The following PCDH17 variants were observed in gnomAD, a reference collection of about 807,000 sequenced individuals.
PCDH17 encodes the protein protocadherin-17.
In PCDH17, 21 loss-of-function variants were observed where a neutral mutation model predicts 67.7. That is an observed-to-expected ratio of 0.31 (90% CI 0.22 to 0.45). PCDH17 has a LOEUF of 0.45. PCDH17 is among the 20% of genes least tolerant of loss of function. The pLI is 1.00. For missense variants in PCDH17, 1,471 were observed against 1,564.8 expected (o/e 0.94, Z 1.01); for synonymous variants, 701 against 656.7 (o/e 1.07, Z -1.03).
At chr13:57,650,390 T>C (rs1189590574) in intron 1 of PCDH17, among the ~76,000 whole-genome samples, 3 of 152,030 alleles carry the variant, frequency 2.0e-5, no homozygotes, top group Non-Finnish European at 4.4e-5. Context: ...TGAACTGGAA[T>C]CTGTAGTGAC....
At position 57,633,734 on chromosome 13, in the gene PCDH17, G is replaced by C. The variant is rs1453818571; in HGVS notation, c.1188G>C (p.Gly396=). The part of the protein sequence containing the change: ...QLQCRVLGGG[G]TGGGGGLGGP... ...AGTGTCGGGTCCTAGGCGGAGGAGG[G>C]ACGGGCGGCGGCGGGGGCCTGGGCG... Residue 396 remains glycine (G), a synonymous_variant, in exon 1 of 4, where the codon GGG becomes GGC. Coordinates refer to ENST00000377918, the MANE Select transcript of PCDH17 (RefSeq NM_001040429.3). This position sits in a 1 kb window ranked among gnomAD's most constrained non-coding sequence, Gnocchi z 6.2. 1 of 1,595,208 alleles carries C rather than the reference G, an allele frequency of 6.3e-7. No individual in the cohort carries two copies. Among genetic ancestry groups the C allele is most frequent in the Non-Finnish European group, 8.5e-7 (1 of 1,176,072 alleles).
At chr13:57,639,750 A>T (rs570193927) in intron 1 of PCDH17, among the ~76,000 whole-genome samples, 1 of 152,046 alleles carries the variant, frequency 6.6e-6, no homozygotes, top group African/African-American at 2.4e-5. Flanking sequence ...ATGCCAAAAA[A>T]TTTGGAATTT....
At chr13:57,686,308 C>T (rs974163144) in intron 3 of PCDH17, among the ~76,000 whole-genome samples, 5 of 151,764 alleles carry the variant, frequency 3.3e-5, no homozygotes, top group African/African-American at 7.3e-5. Context: ...CTAACGTTAG[C>T]AGAAAAGGAC....
At chr13:57,646,922 T>G (rs75117528) in intron 1 of PCDH17, among the ~76,000 whole-genome samples, 4,598 of 151,920 alleles carry the variant, frequency 0.03, 100 homozygotes, top group Non-Finnish European at 0.047. Flanking sequence ...CAGGGGGATG[T>G]CAAAATAAGT....
At chr13:57,642,855 G>A (rs1954921635) in intron 1 of PCDH17, among the ~76,000 whole-genome samples, 1 of 151,444 alleles carries the variant, frequency 6.6e-6, no homozygotes, top group African/African-American at 2.4e-5. Flanking sequence ...CTTTCTTATT[G>A]TTATAATACA....
chr13:57,688,553 A>G (rs1045187614), intron 3 of PCDH17, among the ~76,000 whole-genome samples: 2 of 152,060 alleles, frequency 1.3e-5, no homozygotes, highest in Non-Finnish European at 2.9e-5. Context: ...GTGTGTGCAC[A>G]TGTTTGTTTT....
intron 1 of PCDH17, among the ~76,000 whole-genome samples, chr13:57,658,769 T>C (rs970868797): frequency 1.3e-4 from 20 of 151,332 alleles, no homozygotes; most frequent in African/African-American, 3.9e-4. Context: ...CGTTTGTTTG[T>C]TTTGTTTTGT....
chr13:57,691,843 T>C (rs373256551), intron 3 of PCDH17, among the ~76,000 whole-genome samples: 223 of 151,350 alleles, frequency 1.5e-3, no homozygotes, highest in African/African-American at 5.2e-3. Flanking sequence ...CTTTGCCTAA[T>C]TAATAAACAC....
intron 2 of PCDH17, 46 bp downstream of exon 2, chr13:57,666,572 G>C (rs370409934): frequency 2.5e-6 from 4 of 1,606,640 alleles, no homozygotes; most frequent in Non-Finnish European, 3.4e-6. Flanking sequence ...ATTTGCATTC[G>C]TGTCAAAATT....
At chr13:57,668,748 A>C (rs1475779014) in intron 3 of PCDH17, among the ~76,000 whole-genome samples, 1 of 152,066 alleles carries the variant, frequency 6.6e-6, no homozygotes, top group Non-Finnish European at 1.5e-5. Flanking sequence ...CTATTAGTAA[A>C]TACAGGAAAA....
intron 1 of PCDH17, among the ~76,000 whole-genome samples, chr13:57,647,702 G>A (rs1027173150): frequency 4.0e-5 from 6 of 151,758 alleles, no homozygotes; most frequent in African/African-American, 1.4e-4. Context: ...ATTTAGGCTT[G>A]AGTATATATT....
intron 3 of PCDH17, among the ~76,000 whole-genome samples, chr13:57,682,014 G>T (rs1328748763): frequency 6.6e-6 from 1 of 151,620 alleles, no homozygotes; most frequent in Non-Finnish European, 1.5e-5. Flanking sequence ...CTAGGTACTT[G>T]ATCAAAGTTT....
At chr13:57,631,606 C>G (rs1954721273), upstream of PCDH17, among the ~76,000 whole-genome samples, 5 of 152,156 alleles carry the variant, frequency 3.3e-5, no homozygotes, top group Non-Finnish European at 7.3e-5. Flanking sequence ...CTACTTCCCC[C>G]CTCCCAATAG....
intron 3 of PCDH17, among the ~76,000 whole-genome samples, chr13:57,723,989 AC>A (rs1807292886): frequency 6.6e-6 from 1 of 152,200 alleles, no homozygotes; most frequent in African/African-American, 2.4e-5. Flanking sequence ...CATGATCCAT[AC>A]GCCTATCTAA....
At chr13:57,687,788 A>T (rs370694293) in intron 3 of PCDH17, among the ~76,000 whole-genome samples, 2 of 152,020 alleles carry the variant, frequency 1.3e-5, no homozygotes, top group East Asian at 3.9e-4. Flanking sequence ...GAATAACACA[A>T]ATTCTTCTAT....
intron 3 of PCDH17, among the ~76,000 whole-genome samples, chr13:57,707,670 T>G (rs1317910288): frequency 6.6e-6 from 1 of 152,042 alleles, no homozygotes; most frequent in East Asian, 1.9e-4. Flanking sequence ...CAGAAATTTA[T>G]TATTTCATAG....
chr13:57,698,082 T>C (rs1225318717), intron 3 of PCDH17, among the ~76,000 whole-genome samples: 1 of 151,630 alleles, frequency 6.6e-6, no homozygotes, highest in African/African-American at 2.4e-5. Flanking sequence ...TGGTGTAACA[T>C]TGTACAAAAA....
intron 3 of PCDH17, among the ~76,000 whole-genome samples, chr13:57,677,305 A>C (rs756342357): frequency 9.2e-5 from 14 of 151,886 alleles, no homozygotes; most frequent in Non-Finnish European, 1.8e-4. Flanking sequence ...GTAGAAAATA[A>C]TGTATTGTTA....
At chr13:57,645,720 C>T (rs1050192026) in intron 1 of PCDH17, among the ~76,000 whole-genome samples, 2 of 150,818 alleles carry the variant, frequency 1.3e-5, no homozygotes, top group African/African-American at 4.9e-5. Context: ...TATACACACA[C>T]ACTTATATAA....
Sources: gnomAD v4.1 joint callset for allele counts (sites outside exome capture counted in the v4.1 genomes callset) on GRCh38, gnomAD v4.1.1 for gene constraint, Gnocchi (gnomAD v3.1) non-coding constraint, MANE v1.5 for transcripts, NCBI Gene and HGNC (gene_info 2026-07-23, HGNC 2026-07-21) for gene names.